PTPRJ: variants seen among roughly 807,000 people sequenced by gnomAD.
PTPRJ encodes protein tyrosine phosphatase receptor type J, also known as receptor-type tyrosine-protein phosphatase eta.
In PTPRJ, 129 loss-of-function variants were observed where a neutral mutation model predicts 141.3. The ratio of observed to expected loss-of-function variants is 0.91; its 90% CI spans 0.79 to 1.06. PTPRJ has a LOEUF of 1.06. Ranked by LOEUF, PTPRJ falls within the 50% of genes least tolerant of loss-of-function variation. The pLI is 0.00. For missense variants in PTPRJ, 1,601 were observed against 1,679.7 expected (o/e 0.95, Z 0.82); for synonymous variants, 610 against 640.5 (o/e 0.95, Z 0.72).
chr11:48,050,472 G>A (rs987004761), intron 1 of PTPRJ, among the ~76,000 whole-genome samples: 1 of 152,156 alleles, frequency 6.6e-6, no homozygotes, highest in African/African-American at 2.4e-5. Context: ...CTGTGGGTTT[G>A]GACAAGGTAT....
At chr11:48,048,458 A>G (rs1854465237) in intron 1 of PTPRJ, among the ~76,000 whole-genome samples, 1 of 152,068 alleles carries the variant, frequency 6.6e-6, no homozygotes, top group Admixed American at 6.6e-5. Flanking sequence ...TTTGTTTTTC[A>G]TGCATTTTGT....
At chr11:48,028,801 CA>C (rs1326082855) in intron 1 of PTPRJ, among the ~76,000 whole-genome samples, 1 of 151,996 alleles carries the variant, frequency 6.6e-6, no homozygotes, top group Non-Finnish European at 1.5e-5. Flanking sequence ...CAAAAGCAAA[CA>C]AACAAACAAA....
intron 1 of PTPRJ, among the ~76,000 whole-genome samples, chr11:48,068,176 C>T (rs540840605): frequency 6.6e-6 from 1 of 152,276 alleles, no homozygotes; most frequent in Non-Finnish European, 1.5e-5. Flanking sequence ...AATGAATGGC[C>T]TGCTTTAGGC....
In PTPRJ at chr11:48,144,905, A is replaced by T. The variant is rs765311021; in HGVS notation, c.2786+20A>T. 6.2e-7 allele frequency: 1 copy of T among 1,613,606 alleles called. No individual in the cohort carries two copies. The highest frequency in any genetic ancestry group is 8.5e-7 in the Non-Finnish European group (1 of 1,179,804). ...CTACCGGTAATGTCTTCTGGTTCTT[A>T]CTCTTTGGGGGCTGAGCCTCATGAG... On this transcript the variant is annotated intron_variant, in intron 13 of 24. Coordinates refer to ENST00000418331, the MANE Select transcript of PTPRJ (RefSeq NM_002843.4).
intron 1 of PTPRJ, among the ~76,000 whole-genome samples, chr11:48,097,403 C>T (rs757965661): frequency 6.6e-6 from 1 of 152,132 alleles, no homozygotes; most frequent in Non-Finnish European, 1.5e-5. Flanking sequence ...CTTTCCTTTA[C>T]ATAAGCATTG....
chr11:48,051,773 A>G (rs1854577715), intron 1 of PTPRJ, among the ~76,000 whole-genome samples: 1 of 152,230 alleles, frequency 6.6e-6, no homozygotes. Flanking sequence ...AGAAAATGAT[A>G]CTTCTCTGGC....
At position 48,136,111 on chromosome 11, in the gene PTPRJ, C is replaced by G; in HGVS notation, c.1688C>G (p.Pro563Arg). 5.0e-6 allele frequency: 8 copies of G among 1,614,170 alleles called. No homozygotes were observed. Among genetic ancestry groups the G allele is most frequent in the Non-Finnish European group, 6.8e-6 (8 of 1,180,024 alleles). ...TTEMWLDWKS[P>R]DGASEYVYHL... ...GAGATGTGGCTGGACTGGAAGAGCC[C>G]TGACGGTGCTTCCGAGTATGTCTAC... The change falls in exon 9 of 25, where the codon CCT (proline) becomes CGT (arginine). Residue 563 changes from proline (P) to arginine (R), a missense_variant. Transcript: ENST00000418331.
chr11:48,136,096 T>C lies in PTPRJ; in HGVS notation c.1673T>C (p.Leu558Pro), dbSNP rs1857094928. 6.2e-7 allele frequency: 1 copy of C among 1,614,072 alleles called. No homozygotes were observed. The highest frequency in any genetic ancestry group is 1.3e-5 in the African/African-American group (1 of 74,948). ...VVYVTTTEMWLDWKSPDGASE... is the reference protein window; with the variant it reads ...VVYVTTTEMWPDWKSPDGASE... ...TACGTCACCACCACGGAGATGTGGC[T>C]GGACTGGAAGAGCCCTGACGGTGCT... The change falls in exon 9 of 25, where the codon CTG (leucine) becomes CCG (proline). Residue 558 changes from leucine (L) to proline (P), a missense_variant. Physicochemically the swap from Leu to Pro is moderately conservative, Grantham distance 98. Coordinates refer to ENST00000418331, the MANE Select transcript of PTPRJ (RefSeq NM_002843.4).
chr11:48,057,435 G>A (rs1423314436), intron 1 of PTPRJ, among the ~76,000 whole-genome samples: 1 of 152,178 alleles, frequency 6.6e-6, no homozygotes, highest in Non-Finnish European at 1.5e-5. Flanking sequence ...TCCTGATACA[G>A]TCTTGGAGAA....
intron 1 of PTPRJ, among the ~76,000 whole-genome samples, chr11:48,043,657 G>A (rs974960272): frequency 6.6e-6 from 1 of 152,132 alleles, no homozygotes; most frequent in Non-Finnish European, 1.5e-5. Context: ...TCTGCCCTGA[G>A]TCTCCCCCAC....
chr11:48,023,783 AAAAT>A (rs151301730), intron 1 of PTPRJ, among the ~76,000 whole-genome samples: 4,583 of 149,154 alleles, frequency 0.031, 146 homozygotes, highest in African/African-American at 0.079. Flanking sequence ...CTCGGACTCA[AAAAT>A]AAATAAATAA....
At chr11:48,081,929 G>A (rs968734978) in intron 1 of PTPRJ, among the ~76,000 whole-genome samples, 2 of 152,210 alleles carry the variant, frequency 1.3e-5, no homozygotes, top group African/African-American at 4.8e-5. Flanking sequence ...TAGATGTGGT[G>A]AATAGTCTCT....
At chr11:48,131,961 A>G (rs78815815) in intron 8 of PTPRJ, 2,070 of 184,278 alleles carry the variant, frequency 0.011, 56 homozygotes, top group African/African-American at 0.046. Context: ...AATGGAATAT[A>G]TGCTGTGGAT....
chr11:48,125,070 G>A lies in PTPRJ; in HGVS notation c.977G>A (p.Arg326Gln), dbSNP rs1503185. ...PVDPSSGQQSRDTEVLLVGLE... is the reference protein window; with the variant it reads ...PVDPSSGQQSQDTEVLLVGLE... ...GACCCATCCTCCGGCCAGCAGTCCC[G>A]AGACACGGAAGTCCTGCTTGTCGGG... Residue 326 changes from arginine to glutamine, a missense_variant, in exon 6 of 25, where the codon CGA becomes CAA. By Grantham distance (43) the Arg-to-Gln change is conservative. Transcript: ENST00000418331. The A allele has an allele frequency of 0.17, 275,098 of 1,613,764 alleles. 25,135 individuals are homozygous for A. Among genetic ancestry groups the A allele is most frequent in the Middle Eastern group, 0.27 (1,661 of 6,058 alleles).
intron 8 of PTPRJ, among the ~76,000 whole-genome samples, chr11:48,133,586 AT>A (rs1857025823): frequency 6.6e-6 from 1 of 152,222 alleles, no homozygotes; most frequent in Non-Finnish European, 1.5e-5. Flanking sequence ...ATACCATATG[AT>A]CCAGTAATTC....
intron 1 of PTPRJ, among the ~76,000 whole-genome samples, chr11:48,088,210 A>G (rs1329806178): frequency 6.6e-6 from 1 of 152,212 alleles, no homozygotes; most frequent in Non-Finnish European, 1.5e-5. Context: ...GAGACCCAAG[A>G]TGATTGACAA....
At chr11:48,103,864 T>A (rs1182884099) in intron 1 of PTPRJ, among the ~76,000 whole-genome samples, 1 of 152,230 alleles carries the variant, frequency 6.6e-6, no homozygotes, top group East Asian at 1.9e-4. Flanking sequence ...TTCTGGGTAC[T>A]TTTTTCTGTG....
At chr11:48,051,882 T>G (rs1193057310) in intron 1 of PTPRJ, among the ~76,000 whole-genome samples, 1 of 152,254 alleles carries the variant, frequency 6.6e-6, no homozygotes, top group African/African-American at 2.4e-5. Flanking sequence ...AGCCTCAGGT[T>G]TCTCGTGTTG....
At chr11:48,127,743 G>C (rs768687144) in intron 6 of PTPRJ, 37 bp from the exon 7 acceptor site, 2 of 1,603,742 alleles carry the variant, frequency 1.2e-6, no homozygotes, top group Non-Finnish European at 1.7e-6. Flanking sequence ...TGCCTTGGCC[G>C]TTCTGGTTAT....
Sources: gnomAD v4.1 joint callset for allele counts (sites outside exome capture counted in the v4.1 genomes callset) on GRCh38, gnomAD v4.1.1 for gene constraint, MANE v1.5 for transcripts, NCBI Gene and HGNC (gene_info 2026-07-23, HGNC 2026-07-21) for gene names.